Variants in PLEKHA5 observed in about 807,000 individuals in gnomAD.
The protein encoded by PLEKHA5 is pleckstrin homology domain containing A5.
In PLEKHA5, 55 loss-of-function variants were observed where a neutral mutation model predicts 181.9. That is an observed-to-expected ratio of 0.30 (90% CI 0.24 to 0.38). PLEKHA5 has a LOEUF of 0.38. PLEKHA5 is among the 10% of genes least tolerant of loss of function. The probability of loss-of-function intolerance (pLI) is 1.00; values close to 1 mark genes in which losing one functional copy is unlikely to be tolerated. For missense variants in PLEKHA5, 1,432 were observed against 1,549.5 expected (o/e 0.92, Z 1.27); for synonymous variants, 535 against 529.4 (o/e 1.01, Z -0.15).
intron 3 of PLEKHA5, among the ~76,000 whole-genome samples, chr12:19,172,288 T>C (rs543353681): frequency 6.6e-6 from 1 of 152,194 alleles, no homozygotes; most frequent in Non-Finnish European, 1.5e-5. Context: ...TAGGAATTTG[T>C]CCGCCCCATT....
At chr12:19,306,074 C>A (rs928744037) in intron 15 of PLEKHA5, among the ~76,000 whole-genome samples, 1 of 151,400 alleles carries the variant, frequency 6.6e-6, no homozygotes, top group Non-Finnish European at 1.5e-5. Context: ...TCCGATACTC[C>A]GTCTAAAAAA....
intron 3 of PLEKHA5, among the ~76,000 whole-genome samples, chr12:19,230,396 C>T (rs573525858): frequency 3.3e-5 from 5 of 152,160 alleles, no homozygotes; most frequent in Admixed American, 6.5e-5. Context: ...TGGGACCGGG[C>T]GTCGCAGAGC....
chr12:19,213,918 TG>T (rs1230834379), intron 3 of PLEKHA5, among the ~76,000 whole-genome samples: 1 of 152,170 alleles, frequency 6.6e-6, no homozygotes, highest in Non-Finnish European at 1.5e-5. Flanking sequence ...ATATTCTTTT[TG>T]TTGAGAAGCA....
chr12:19,198,381 G>A (rs1182211099), intron 3 of PLEKHA5, among the ~76,000 whole-genome samples: 1 of 152,054 alleles, frequency 6.6e-6, no homozygotes, highest in Non-Finnish European at 1.5e-5. Context: ...CTCTCTATCC[G>A]GATTTCTTTT....
intron 3 of PLEKHA5, among the ~76,000 whole-genome samples, chr12:19,221,796 ATACT>A (rs1565483548): frequency 6.6e-6 from 1 of 152,174 alleles, no homozygotes; most frequent in Non-Finnish European, 1.5e-5. Context: ...ACAAAACTAC[ATACT>A]TTATTTCAGT....
intron 3 of PLEKHA5, among the ~76,000 whole-genome samples, chr12:19,138,305 G>A (rs540600449): frequency 1.3e-5 from 2 of 152,276 alleles, no homozygotes; most frequent in African/African-American, 4.8e-5. Flanking sequence ...CGGCATGGTG[G>A]CTCATGCCTG....
chr12:19,246,549 G>A (rs1278513371), intron 3 of PLEKHA5, among the ~76,000 whole-genome samples: 6 of 150,820 alleles, frequency 4.0e-5, no homozygotes, highest in African/African-American at 1.5e-4. Flanking sequence ...TTGAACCCAG[G>A]AGGCGGATGT....
chr12:19,132,524 T>C, intron 3 of PLEKHA5, 74 bp downstream of exon 3: 1 of 750,340 alleles, frequency 1.3e-6, no homozygotes, highest in South Asian at 1.5e-5. Context: ...AATAGTTGTA[T>C]GTCCAGTCTT....
chr12:19,176,186 C>T (rs1187184120), intron 3 of PLEKHA5: 2 of 151,710 alleles, frequency 1.3e-5, no homozygotes, highest in Admixed American at 6.6e-5. Flanking sequence ...CTCTCTCTCT[C>T]TCTCTGTCCC....
intron 20 of PLEKHA5, among the ~76,000 whole-genome samples, chr12:19,329,426 A>G (rs1186694397): frequency 6.6e-6 from 1 of 152,034 alleles, no homozygotes; most frequent in African/African-American, 2.4e-5. Context: ...AGCTCTTTGT[A>G]TGTCTGGTAG....
intron 3 of PLEKHA5, among the ~76,000 whole-genome samples, chr12:19,172,122 A>G (rs1303531245): frequency 6.6e-6 from 1 of 152,254 alleles, no homozygotes; most frequent in Non-Finnish European, 1.5e-5. Flanking sequence ...ACAGTCATTT[A>G]TCATTACCCA....
At chr12:19,326,926 G>A (rs139723671) in intron 20 of PLEKHA5, among the ~76,000 whole-genome samples, 272 of 152,274 alleles carry the variant, frequency 1.8e-3, no homozygotes, top group African/African-American at 5.1e-3. Context: ...GTGTAGTACC[G>A]TGGTATATAT....
At chr12:19,338,012 C>A (rs1437328408) in intron 21 of PLEKHA5, among the ~76,000 whole-genome samples, 3 of 137,322 alleles carry the variant, frequency 2.2e-5, no homozygotes, top group African/African-American at 8.3e-5. Context: ...CCCTGGGCAA[C>A]AAGGGCGAAG....
At position 19,289,330 on chromosome 12, in the gene PLEKHA5, G is replaced by C. The variant is rs1186031659; in HGVS notation, c.1864-1347G>C. Among the ~76,000 whole-genome samples the C allele has an allele frequency of 2.0e-5, 3 of 152,126 alleles. 1 individual carries two copies. The highest frequency in any genetic ancestry group is 2.9e-5 in the Non-Finnish European group (2 of 68,028). ...AGGCAATAATTTTTAATATGATTTT[G>C]GATAATGGTTAAAAATGATTTCTGT... On this transcript the variant is annotated intron_variant, in intron 13 of 31. Transcript: ENST00000429027.
At chr12:19,296,810 G>A (rs2079932580) in intron 15 of PLEKHA5, among the ~76,000 whole-genome samples, 1 of 152,184 alleles carries the variant, frequency 6.6e-6, no homozygotes, top group Non-Finnish European at 1.5e-5. Context: ...TGAGTGAAGA[G>A]GTAGCACTTT....
chr12:19,325,530 A>G (rs2091896094), intron 20 of PLEKHA5, among the ~76,000 whole-genome samples: 1 of 151,858 alleles, frequency 6.6e-6, no homozygotes, highest in African/African-American at 2.4e-5. Context: ...TCTAATAAAA[A>G]TACAAAAATT....
At chr12:19,170,539 C>T (rs1421160240) in intron 3 of PLEKHA5, among the ~76,000 whole-genome samples, 2 of 151,766 alleles carry the variant, frequency 1.3e-5, no homozygotes, top group African/African-American at 2.4e-5. Flanking sequence ...AATACTCCTG[C>T]CTCCGGAGTA....
At chr12:19,337,268 C>T (rs1246815317) in intron 21 of PLEKHA5, among the ~76,000 whole-genome samples, 1 of 151,888 alleles carries the variant, frequency 6.6e-6, no homozygotes, top group African/African-American at 2.4e-5. Flanking sequence ...AATAATAATA[C>T]TTGGCCGGGC....
intron 20 of PLEKHA5, among the ~76,000 whole-genome samples, chr12:19,333,890 TGA>T (rs2093103824): frequency 6.6e-6 from 1 of 152,130 alleles, no homozygotes; most frequent in South Asian, 2.1e-4. Flanking sequence ...ATTACAGGCG[TGA>T]GCCACCGCAC....
Sources: gnomAD v4.1 joint callset for allele counts (sites outside exome capture counted in the v4.1 genomes callset) on GRCh38, gnomAD v4.1.1 for gene constraint, MANE v1.5 for transcripts, NCBI Gene and HGNC (gene_info 2026-07-23, HGNC 2026-07-21) for gene names.